CHEK1: variants seen among roughly 807,000 people sequenced by gnomAD.
CHEK1 encodes the protein checkpoint kinase 1.
A neutral mutation model predicts 60.2 loss-of-function variants in CHEK1; 32 were observed. The ratio of observed to expected loss-of-function variants is 0.53; its 90% confidence interval spans 0.40 to 0.71. The LOEUF (loss-of-function observed/expected upper bound fraction) is 0.71. Among genes scored for constraint, CHEK1 ranks in the 30% least tolerant of loss-of-function variants. CHEK1 has a pLI of 0.00. For missense variants in CHEK1, 399 were observed against 564.6 expected (o/e 0.71, Z 2.97); for synonymous variants, 179 against 187.2 (o/e 0.96, Z 0.36).
At chr11:125,673,212 C>CTTT (rs11434532) in intron 13 of CHEK1, among the ~76,000 whole-genome samples, 2,898 of 126,830 alleles carry the variant, frequency 0.023, 77 homozygotes, top group African/African-American at 0.081. Context: ...CTTTTCTTTT[C>CTTT]TTTTTTTTTT....
intron 6 of CHEK1, among the ~76,000 whole-genome samples, chr11:125,634,745 C>T (rs1941000240): frequency 6.6e-6 from 1 of 152,072 alleles, no homozygotes; most frequent in South Asian, 2.1e-4. Flanking sequence ...GCCCCACCTC[C>T]GAATGCCATT....
chr11:125,638,295 T>C (rs1941149012), intron 8 of CHEK1, among the ~76,000 whole-genome samples: 1 of 152,190 alleles, frequency 6.6e-6, no homozygotes, highest in Admixed American at 6.5e-5. Flanking sequence ...TGTAGGTTTT[T>C]CTGCTAGTTG....
At chr11:125,680,704 C>T (rs1942757646), downstream of CHEK1, 1 of 1,607,256 alleles carries the variant, frequency 6.2e-7, no homozygotes, top group South Asian at 1.1e-5. Flanking sequence ...TTTGTATTTA[C>T]CTGAAGCCTA....
At chr11:125,679,278 C>CG, downstream of CHEK1, among the ~76,000 whole-genome samples, 1 of 140,812 alleles carries the variant, frequency 7.1e-6, no homozygotes, top group Non-Finnish European at 1.5e-5. Flanking sequence ...AGTACAGTGG[C>CG]ACAATCTTGG....
chr11:125,627,681 A>G lies in CHEK1; in HGVS notation c.140A>G (p.Asp47Gly). Reference sequence around the variant, plus strand: ...ATTGTAGATATGAAGCGTGCCGTAGACTGTCCAGAAAATATTAAGAAAGAG... The same window carrying G: ...ATTGTAGATATGAAGCGTGCCGTAGGCTGTCCAGAAAATATTAAGAAAGAG... ...VKIVDMKRAV[D>G]CPENIKKEIC... The change falls in exon 3 of 13, where the codon GAC becomes GGC. Residue 47 changes from aspartate (D) to glycine (G), a missense_variant. Physicochemically the swap from Asp to Gly is moderately conservative, Grantham distance 94. Coordinates refer to ENST00000438015, the MANE Select transcript of CHEK1 (RefSeq NM_001114122.3). 1 of 1,614,000 alleles carries G rather than the reference A, an allele frequency of 6.2e-7. No individual in the cohort carries two copies. The highest frequency in any genetic ancestry group is 8.5e-7 in the Non-Finnish European group (1 of 1,179,940).
At position 125,629,059 on chromosome 11, in the gene CHEK1, C is replaced by T. The variant is rs114579795; in HGVS notation, c.290-173C>T. ...TGATGACGCCTTTTGCCACCTAACA[C>T]AGGTAAATGTGAGTTAAGCCCCATA... On this transcript the variant is annotated intron_variant, in intron 3 of 12. Transcript: ENST00000438015. Among the ~76,000 whole-genome samples, 1,035 of 152,266 alleles carry T rather than the reference C, an allele frequency of 6.8e-3. 13 individuals carry two copies. Among genetic ancestry groups the T allele is most frequent in the African/African-American group, 0.023 (958 of 41,546 alleles).
intron 7 of CHEK1, among the ~76,000 whole-genome samples, chr11:125,636,709 C>T (rs1433096499): frequency 1.3e-5 from 2 of 150,812 alleles, no homozygotes; most frequent in Non-Finnish European, 3.0e-5. Context: ...GTTTTTCTTA[C>T]CACTTTGAAG....
At chr11:125,680,572 G>A (rs1565398518), downstream of CHEK1, among the ~76,000 whole-genome samples, 1 of 152,184 alleles carries the variant, frequency 6.6e-6, no homozygotes, top group Non-Finnish European at 1.5e-5. Flanking sequence ...GAAATCAACT[G>A]GTTCAGGAGC....
chr11:125,657,195 G>GTGTA (rs1941927539), downstream of CHEK1: 1 of 162,674 alleles, frequency 6.1e-6, no homozygotes, highest in African/African-American at 2.4e-5. Flanking sequence ...GCTTGTGTGT[G>GTGTA]TGTGTGTGTG....
rs1940676649 is a variant in CHEK1, at chr11:125,627,663, A to G, written c.122A>G (p.Asp41Gly). The change falls in exon 3 of 13, where the codon GAT becomes GGT. Residue 41 changes from aspartate to glycine, a missense_variant. Asp to Gly is a moderately conservative substitution (Grantham distance 94, BLOSUM62 -1). Coordinates refer to ENST00000438015, the MANE Select transcript of CHEK1 (RefSeq NM_001114122.3). ...TEEAVAVKIV[D>G]MKRAVDCPEN... ...GAAGCAGTCGCAGTGAAGATTGTAGATATGAAGCGTGCCGTAGACTGTCCA... is the reference window on the plus strand; with the variant it reads ...GAAGCAGTCGCAGTGAAGATTGTAGGTATGAAGCGTGCCGTAGACTGTCCA... 6.2e-7 allele frequency: 1 copy of G among 1,613,966 alleles called. No homozygotes were observed.
At chr11:125,657,442 AGTCT>A (rs1396047354), downstream of CHEK1, among the ~76,000 whole-genome samples, 1 of 152,188 alleles carries the variant, frequency 6.6e-6, no homozygotes, top group African/African-American at 2.4e-5. Context: ...TCCTATATGC[AGTCT>A]CCCAATCACA....
At position 125,655,944 on chromosome 11, in the gene CHEK1, ACT is replaced by A. The variant is rs1262086017; in HGVS notation, c.*627_*628del. On this transcript the variant is annotated 3_prime_UTR_variant, in exon 13 of 13. Coordinates refer to ENST00000438015, the MANE Select transcript of CHEK1 (RefSeq NM_001114122.3). ...ACTTGTATTTTACAGTGTTGCATAA[ACT>A]CTAGTGCTTAACTAACTTTACTCTA... The A allele has an allele frequency of 4.8e-6, 1 of 208,236 alleles. No homozygotes were observed. The highest frequency in any genetic ancestry group is 9.8e-6 in the Non-Finnish European group (1 of 102,368). The allele number at this position is 208,236 out of a possible 1,614,324, so 12.9% of individuals were successfully genotyped here.
intron 3 of CHEK1, 28 bp from the exon 4 acceptor site, chr11:125,629,204 A>C (rs1027127737): frequency 2.5e-6 from 4 of 1,609,952 alleles, no homozygotes; most frequent in African/African-American, 1.3e-5. Context: ...ATATTTAGTC[A>C]ATAAACTTAC....
At chr11:125,672,562 C>T in intron 13 of CHEK1, 1 of 1,611,020 alleles carries the variant, frequency 6.2e-7, no homozygotes, top group East Asian at 2.2e-5. Flanking sequence ...CTTTTTACTG[C>T]CTGAGTCAAA....
intron 2 of CHEK1, 99 bp from the exon 3 acceptor site, chr11:125,627,508 A>C: frequency 1.1e-6 from 1 of 934,648 alleles, no homozygotes; most frequent in South Asian, 1.8e-5. Flanking sequence ...TTGTGGAAAA[A>C]GTAATAGAGG....
At chr11:125,646,431 A>C (rs1310512100) in intron 11 of CHEK1, among the ~76,000 whole-genome samples, 2 of 152,152 alleles carry the variant, frequency 1.3e-5, no homozygotes, top group South Asian at 2.1e-4. Flanking sequence ...ACTGCTGTGA[A>C]CAATCTTGTA....
intron 13 of CHEK1, among the ~76,000 whole-genome samples, chr11:125,665,337 A>G (rs1218876081): frequency 6.6e-6 from 1 of 150,706 alleles, no homozygotes; most frequent in African/African-American, 2.4e-5. Flanking sequence ...ATTCTACCTG[A>G]TCATGGGGAA....
chr11:125,655,097 G>C, intron 12 of CHEK1, 128 bp from the exon 13 acceptor site: 1 of 654,558 alleles, frequency 1.5e-6, no homozygotes, highest in Non-Finnish European at 2.6e-6. Context: ...AGACCGAAAA[G>C]AAAATGGTAG....
chr11:125,629,265 A>G lies in CHEK1; in HGVS notation c.323A>G (p.Gln108Arg). 6.2e-7 allele frequency: 1 copy of G among 1,614,180 alleles called. No homozygotes were observed. The highest frequency in any genetic ancestry group is 2.2e-5 in the East Asian group (1 of 44,868). Residue 108 changes from glutamine to arginine, a missense_variant, in exon 4 of 13, where the codon CAG (glutamine) becomes CGG (arginine). Gln to Arg is a conservative substitution (Grantham distance 43, BLOSUM62 1). Coordinates refer to ENST00000438015, the MANE Select transcript of CHEK1 (RefSeq NM_001114122.3). Reference sequence around the variant, plus strand: ...ATAGGCATGCCTGAACCAGATGCTCAGAGATTCTTCCATCAACTCATGGCA... The same window carrying G: ...ATAGGCATGCCTGAACCAGATGCTCGGAGATTCTTCCATCAACTCATGGCA... ...PDIGMPEPDA[Q>R]RFFHQLMAGV...
Sources: gnomAD v4.1 joint callset for allele counts (sites outside exome capture counted in the v4.1 genomes callset) on GRCh38, gnomAD v4.1.1 for gene constraint, MANE v1.5 for transcripts, NCBI Gene and HGNC (gene_info 2026-07-23, HGNC 2026-07-21) for gene names.